The following USH2A variants were observed in gnomAD, a reference collection of about 807,000 sequenced individuals.
USH2A encodes the protein usherin.
A neutral mutation model predicts 538.9 loss-of-function variants in USH2A; 443 were observed. The observed-to-expected ratio is 0.82, with a 90% CI of 0.76 to 0.89. USH2A has a LOEUF of 0.89. Among genes scored for constraint, USH2A ranks in the 40% least tolerant of loss-of-function variants. The pLI is 0.00. For missense variants in USH2A, 6,633 were observed against 6,324.8 expected (o/e 1.05, Z -1.65); for synonymous variants, 2,413 against 2,273.5 (o/e 1.06, Z -1.75).
intron 62 of USH2A, among the ~76,000 whole-genome samples, chr1:215,678,636 G>C (rs1034459252): frequency 4.0e-5 from 6 of 151,792 alleles, no homozygotes; most frequent in Non-Finnish European, 8.8e-5. Flanking sequence ...TAATTCCCTT[G>C]CTTATTTATT....
intron 15 of USH2A, among the ~76,000 whole-genome samples, chr1:216,210,787 C>T (rs1035741963): frequency 3.9e-5 from 6 of 151,994 alleles, no homozygotes; most frequent in Non-Finnish European, 8.8e-5. Flanking sequence ...TCAAGACCAT[C>T]CTGGCCAACA....
intron 44 of USH2A, among the ~76,000 whole-genome samples, chr1:215,853,857 T>C (rs1664086460): frequency 1.3e-5 from 2 of 152,196 alleles, no homozygotes; most frequent in South Asian, 4.1e-4. Context: ...ATTGTCCACA[T>C]CATTATTAGC....
At chr1:215,848,881 A>G (rs1663937236) in intron 44 of USH2A, among the ~76,000 whole-genome samples, 1 of 152,350 alleles carries the variant, frequency 6.6e-6, no homozygotes, top group South Asian at 2.1e-4. Context: ...TTCATTGCTC[A>G]AATAAGGTCT....
chr1:216,361,949 G>A (rs2102704648), intron 4 of USH2A, among the ~76,000 whole-genome samples: 1 of 152,246 alleles, frequency 6.6e-6, no homozygotes, highest in Middle Eastern at 3.4e-3. Context: ...GTTATAGAGG[G>A]CTACATTGAT....
chr1:216,406,765 T>C (rs1352475792), intron 3 of USH2A, among the ~76,000 whole-genome samples: 2 of 152,164 alleles, frequency 1.3e-5, no homozygotes, highest in African/African-American at 4.8e-5. Flanking sequence ...CTACCTACCT[T>C]GTATTCAACC....
At chr1:215,662,904 A>T in intron 64 of USH2A, among the ~76,000 whole-genome samples, 1 of 152,236 alleles carries the variant, frequency 6.6e-6, no homozygotes, top group East Asian at 1.9e-4. Flanking sequence ...TGTTTTCTCT[A>T]AATGTGATAT....
At position 216,029,743 on chromosome 1, in the gene USH2A, TGA is replaced by T. The variant is rs1669047914; in HGVS notation, c.6325+16686_6325+16687del. On this transcript the variant is annotated intron_variant, in intron 32 of 71. Coordinates refer to ENST00000307340, the MANE Select transcript of USH2A (RefSeq NM_206933.4). ...ATTATATATATTGAATATGTACAAATGAATAAGATAGGGCACTTAAACTATCT... is the reference window on the plus strand; with the variant it reads ...ATTATATATATTGAATATGTACAAATATAAGATAGGGCACTTAAACTATCT... Among the ~76,000 whole-genome samples, 5 of 151,872 alleles carry T rather than the reference TGA, an allele frequency of 3.3e-5. No homozygotes were observed. In the Admixed American group the frequency reaches 3.3e-4, roughly 10 times the overall value.
chr1:215,729,738 C>T (rs1659936853), intron 60 of USH2A, among the ~76,000 whole-genome samples: 1 of 152,116 alleles, frequency 6.6e-6, no homozygotes, highest in Non-Finnish European at 1.5e-5. Flanking sequence ...TCAAGAAATC[C>T]TCCTGCCTCA....
intron 4 of USH2A, among the ~76,000 whole-genome samples, chr1:216,359,418 C>T (rs1393517693): frequency 6.6e-6 from 1 of 151,910 alleles, no homozygotes. Flanking sequence ...TATATTAAAC[C>T]ACCATTTAAT....
At chr1:216,140,913 C>T (rs1039199936) in intron 21 of USH2A, among the ~76,000 whole-genome samples, 3 of 152,214 alleles carry the variant, frequency 2.0e-5, no homozygotes, top group African/African-American at 7.2e-5. Flanking sequence ...TCAAGTTTTT[C>T]CCAGCATTGG....
chr1:216,410,233 C>G (rs2039464920), intron 3 of USH2A, among the ~76,000 whole-genome samples: 1 of 151,978 alleles, frequency 6.6e-6, no homozygotes, highest in Non-Finnish European at 1.5e-5. Context: ...AAAAGGAATG[C>G]TTAATAGGCT....
intron 37 of USH2A, among the ~76,000 whole-genome samples, chr1:215,949,571 A>G (rs1461494616): frequency 2.0e-5 from 3 of 152,152 alleles, no homozygotes; most frequent in African/African-American, 7.2e-5. Context: ...CAATTCAATC[A>G]GATTAGAAAC....
At chr1:216,108,404 C>T (rs2032788140) in intron 21 of USH2A, among the ~76,000 whole-genome samples, 1 of 148,060 alleles carries the variant, frequency 6.8e-6, no homozygotes, top group African/African-American at 2.5e-5. Context: ...TTTCCATAAT[C>T]TTTTTTTTTT....
chr1:216,367,250 A>G (rs755793743), intron 3 of USH2A, among the ~76,000 whole-genome samples: 1 of 152,198 alleles, frequency 6.6e-6, no homozygotes, highest in Non-Finnish European at 1.5e-5. Context: ...CAATATATTA[A>G]CACTAGCATG....
At chr1:216,020,972 T>C (rs913470144) in intron 32 of USH2A, among the ~76,000 whole-genome samples, 4 of 152,058 alleles carry the variant, frequency 2.6e-5, no homozygotes, top group African/African-American at 9.7e-5. Flanking sequence ...TGGAGAGAAT[T>C]GTGGCTAAAG....
At position 215,647,711 on chromosome 1, in the gene USH2A, C is replaced by A. The variant is rs727504686; in HGVS notation, c.14602G>T (p.Val4868Leu). The A allele has an allele frequency of 1.2e-6, 2 of 1,614,078 alleles. No homozygotes were observed. The highest frequency in any genetic ancestry group is 3.3e-5 in the Admixed American group (2 of 60,012). Residue 4868 changes from valine to leucine, a missense_variant, in exon 67 of 72, where the codon GTG (valine) becomes TTG (leucine). Coordinates refer to ENST00000307340, the MANE Select transcript of USH2A (RefSeq NM_206933.4). ...AGGGCTGAGTCAGGAGGGCAAGCCA[C>A]GTGGAATTGGAGTTCATAGCTAAAA... ...VIHSYELQFH[V>L]ACPPDSALPC... is the part of the protein sequence containing the mutation.
chr1:215,647,923 A>C (rs1656912833), intron 66 of USH2A, among the ~76,000 whole-genome samples, 193 bp from the exon 67 acceptor site: 1 of 152,154 alleles, frequency 6.6e-6, no homozygotes, highest in African/African-American at 2.4e-5. Flanking sequence ...CAGCAGATGT[A>C]ACCAGAGAAA....
At chr1:216,064,569 G>A (rs2031290843) in intron 30 of USH2A, among the ~76,000 whole-genome samples, 1 of 151,848 alleles carries the variant, frequency 6.6e-6, no homozygotes, top group Non-Finnish European at 1.5e-5. Flanking sequence ...TGTTAGCCAA[G>A]TTGCTGCCAT....
chr1:216,037,605 T>G (rs371895878), intron 32 of USH2A, among the ~76,000 whole-genome samples: 3 of 152,242 alleles, frequency 2.0e-5, no homozygotes, highest in African/African-American at 4.8e-5. Flanking sequence ...AAATTTCCAT[T>G]GAAAGCTCTG....
Sources: gnomAD v4.1 joint callset for allele counts (sites outside exome capture counted in the v4.1 genomes callset) on GRCh38, gnomAD v4.1.1 for gene constraint, MANE v1.5 for transcripts, NCBI Gene and HGNC (gene_info 2026-07-23, HGNC 2026-07-21) for gene names.